Variants in SLC4A8 observed in about 807,000 individuals in gnomAD.
SLC4A8 encodes the protein solute carrier family 4 member 8.
In SLC4A8, 40 loss-of-function variants were observed where a neutral mutation model predicts 125.0. The observed-to-expected ratio is 0.32, with a 90% CI of 0.25 to 0.42. The LOEUF (loss-of-function observed/expected upper bound fraction) is 0.42, where lower values mean the gene tolerates loss of function less well. Among genes scored for constraint, SLC4A8 ranks in the 10% least tolerant of loss-of-function variants. SLC4A8 has a pLI of 1.00. For synonymous variants in SLC4A8, 456 were observed against 476.0 expected (o/e 0.96, Z 0.55); for missense variants, 863 against 1,355.1 (o/e 0.64, Z 5.70).
chr12:51,421,389 G>C (rs1465496069), upstream of SLC4A8, among the ~76,000 whole-genome samples: 2 of 152,208 alleles, frequency 1.3e-5, no homozygotes, highest in Non-Finnish European at 2.9e-5. Flanking sequence ...CAGTGCCCCA[G>C]ATAGCAGCAG....
rs1353201465 is a variant in SLC4A8, at chr12:51,512,480, T to TA, written c.*5043dup. 3 of 152,280 alleles carry TA rather than the reference T, an allele frequency of 2.0e-5. No individual in the cohort carries two copies. The highest frequency in any genetic ancestry group is 7.2e-5 in the African/African-American group (3 of 41,472). 9.4% of individuals were successfully genotyped at this position (152,280 alleles called of 1,614,324 possible). On this transcript the variant is annotated 3_prime_UTR_variant, in exon 25 of 25. Transcript: ENST00000453097. Reference sequence around the variant, plus strand: ...CATCTCTGTGGTAGGAACCATTCCCTACTCTTACTCCCTCCTCTTGTCCAA... The same window carrying TA: ...CATCTCTGTGGTAGGAACCATTCCCTAACTCTTACTCCCTCCTCTTGTCCAA...
chr12:51,509,548 C>G lies in SLC4A8; in HGVS notation c.*2110C>G, dbSNP rs978091376. The G allele has an allele frequency of 1.3e-5, 2 of 152,274 alleles. No individual in the cohort carries two copies. Among genetic ancestry groups the G allele is most frequent in the African/African-American group, 4.8e-5 (2 of 41,444 alleles). The allele number at this position is 152,274 out of a possible 1,614,324, so 9.4% of individuals were successfully genotyped here. A position where few individuals can be genotyped will look rare whatever the true frequency, so the allele number is the denominator to read the frequency against. On this transcript the variant is annotated 3_prime_UTR_variant, in exon 25 of 25. Coordinates refer to ENST00000453097, the MANE Select transcript of SLC4A8 (RefSeq NM_001039960.3). ...CCCTTTCTTGCTCTATCTTGCCCCT[C>G]CCATCTTTTCCTGCCACCTCTGTGT... is the stretch of plus-strand genomic sequence containing the variant.
rs1592182389 is a variant in SLC4A8, at chr12:51,438,277, C to T, written c.49-2431C>T. Reference sequence around the variant, plus strand: ...ATCCTTTAGCAAATCTCTCCCTACACTTCTCCCCCTTGCCTTCCTAGCCTC... The same window carrying T: ...ATCCTTTAGCAAATCTCTCCCTACATTTCTCCCCCTTGCCTTCCTAGCCTC... On this transcript the variant is annotated intron_variant, in intron 1 of 24. Transcript: ENST00000453097. Among the ~76,000 whole-genome samples the T allele has an allele frequency of 4.6e-5, 7 of 152,282 alleles. 2 individuals carry two copies. The highest frequency in any genetic ancestry group is 4.6e-4 in the Admixed American group (7 of 15,304).
At chr12:51,476,040 C>G (rs1390759909) in intron 16 of SLC4A8, among the ~76,000 whole-genome samples, 1 of 152,206 alleles carries the variant, frequency 6.6e-6, no homozygotes, top group African/African-American at 2.4e-5. Context: ...CCCTGAAGGC[C>G]TGGGTTACAT....
intron 19 of SLC4A8, among the ~76,000 whole-genome samples, chr12:51,491,742 C>A (rs1951323129): frequency 7.6e-6 from 1 of 130,956 alleles, no homozygotes; most frequent in Non-Finnish European, 1.8e-5. Context: ...GATGGGCAGA[C>A]ACACACACAC....
chr12:51,462,550 T>A, intron 10 of SLC4A8, 94 bp downstream of exon 10: 1 of 950,302 alleles, frequency 1.1e-6, no homozygotes, highest in Non-Finnish European at 1.5e-6. Flanking sequence ...GCTAAATATA[T>A]CAAGATGCAG....
At chr12:51,396,320 T>C (rs1300733082) in intron 1 of SLC4A8, among the ~76,000 whole-genome samples, 3 of 152,230 alleles carry the variant, frequency 2.0e-5, no homozygotes, top group East Asian at 1.9e-4. Flanking sequence ...AAGTCATGTC[T>C]GTCTCATCCA....
chr12:51,440,732 G>A lies in SLC4A8; in HGVS notation c.73G>A (p.Asp25Asn). ...YQRPDEEAVV[D>N]QGGTSTILNI... ...GAGACCAGATGAAGAAGCTGTGGTG[G>A]ATCAGGGTGGGACCAGTACAATTCT... The change falls in exon 2 of 25, where the codon GAT becomes AAT. Residue 25 changes from aspartate (D) to asparagine (N), a missense_variant. Around this residue, in one of 6 missense-constraint regions of SLC4A8, gnomAD observed 104 missense variants for 116.4 expected, o/e 0.89. Transcript: ENST00000453097. 1 of 1,611,796 alleles carries A rather than the reference G, an allele frequency of 6.2e-7. No homozygotes were observed. The highest frequency in any genetic ancestry group is 8.5e-7 in the Non-Finnish European group (1 of 1,179,260).
chr12:51,418,639 G>C (rs1948729958), intron 1 of SLC4A8, among the ~76,000 whole-genome samples: 1 of 152,132 alleles, frequency 6.6e-6, no homozygotes, highest in South Asian at 2.1e-4. Context: ...GAGGGGGCCG[G>C]CCCTTTCAAT....
At chr12:51,433,174 G>A (rs1371320212) in intron 1 of SLC4A8, among the ~76,000 whole-genome samples, 1 of 152,162 alleles carries the variant, frequency 6.6e-6, no homozygotes, top group Non-Finnish European at 1.5e-5. Flanking sequence ...CTGCTACTCA[G>A]TTATAATTCA....
chr12:51,465,030 C>T (rs1293914375), intron 11 of SLC4A8, among the ~76,000 whole-genome samples: 4 of 152,016 alleles, frequency 2.6e-5, no homozygotes, highest in Admixed American at 2.6e-4. Context: ...GGGGAAGCAG[C>T]CTTCCCTTTT....
chr12:51,480,289 T>C, intron 16 of SLC4A8: 1 of 1,252,170 alleles, frequency 8.0e-7, no homozygotes, highest in Non-Finnish European at 1.0e-6. Flanking sequence ...ATAATGGATT[T>C]CTTTCTTGCT....
chr12:51,468,685 A>G (rs757709042), intron 11 of SLC4A8, among the ~76,000 whole-genome samples: 5 of 152,194 alleles, frequency 3.3e-5, no homozygotes, highest in Non-Finnish European at 7.3e-5. Flanking sequence ...GTGTGAACCC[A>G]GGAGGCGGAG....
intron 14 of SLC4A8, among the ~76,000 whole-genome samples, chr12:51,473,148 A>G (rs1950756154): frequency 6.6e-6 from 1 of 152,210 alleles, no homozygotes; most frequent in African/African-American, 2.4e-5. Context: ...TGTATCCTCC[A>G]TTATAATATC....
chr12:51,477,707 G>A (rs1453572822), intron 16 of SLC4A8, among the ~76,000 whole-genome samples: 1 of 152,140 alleles, frequency 6.6e-6, no homozygotes, highest in Non-Finnish European at 1.5e-5. Flanking sequence ...TGAGCTCTTT[G>A]CCTGACTCCA....
At chr12:51,448,943 G>A (rs561811341) in intron 2 of SLC4A8, among the ~76,000 whole-genome samples, 4 of 152,132 alleles carry the variant, frequency 2.6e-5, no homozygotes, top group Admixed American at 6.5e-5. Context: ...CACTGCTTGG[G>A]AAGGTTTCTT....
At chr12:51,483,672 T>C (rs1178616282) in intron 16 of SLC4A8, among the ~76,000 whole-genome samples, 6 of 152,200 alleles carry the variant, frequency 3.9e-5, no homozygotes, top group Non-Finnish European at 8.8e-5. Flanking sequence ...GTTCAAGTGA[T>C]ATTTTGTTCT....
chr12:51,451,660 A>G (rs1344135616), intron 3 of SLC4A8, among the ~76,000 whole-genome samples: 1 of 152,124 alleles, frequency 6.6e-6, no homozygotes, highest in Admixed American at 6.6e-5. Flanking sequence ...AAATTATGGA[A>G]TAAGTGTGTG....
chr12:51,494,718 G>T, intron 20 of SLC4A8: 2 of 430,424 alleles, frequency 4.6e-6, no homozygotes, highest in Non-Finnish European at 4.1e-6. Context: ...ATAAGAGAAA[G>T]AAGTTTGAAC....
Sources: allele counts gnomAD v4.1 joint callset (sites outside exome capture counted in the v4.1 genomes callset), GRCh38; gene constraint gnomAD v4.1.1; regional missense constraint gnomAD v4.1.1; transcripts MANE v1.5; gene names NCBI Gene and HGNC (gene_info 2026-07-23, HGNC 2026-07-21).